CATSPERD: variants seen among roughly 807,000 people sequenced by gnomAD.
The protein encoded by CATSPERD is catsper channel auxiliary subunit delta.
A neutral mutation model predicts 98.1 loss-of-function variants in CATSPERD; 86 were observed. The observed-to-expected ratio is 0.88, with a 90% CI of 0.74 to 1.05. The LOEUF (loss-of-function observed/expected upper bound fraction) is 1.05, where lower values mean the gene tolerates loss of function less well. Ranked by LOEUF, CATSPERD falls within the 50% of genes least tolerant of loss-of-function variation. The probability of loss-of-function intolerance (pLI) is 0.00; values close to 1 mark genes in which losing one functional copy is unlikely to be tolerated. For synonymous variants in CATSPERD, 394 were observed against 390.2 expected, an observed-to-expected ratio of 1.01 and a Z score of -0.12; for missense variants, 995 against 1,005.7, an observed-to-expected ratio of 0.99 and a Z score of 0.14.
chr19:5,722,946 T>C lies in CATSPERD; in HGVS notation c.72-1862T>C, dbSNP rs566894889. ...GCTCACGCCTGTAATCCCAGCACTT[T>C]GGGAGGTGGAGGCGGGCGGATCACG... On this transcript the variant is annotated intron_variant, in intron 1 of 21. Coordinates refer to ENST00000381624, the MANE Select transcript of CATSPERD (RefSeq NM_152784.4). 4.6e-4 allele frequency among the ~76,000 whole-genome samples: 70 copies of C among 151,960 alleles called. 1 individual carries two copies. In the South Asian group the frequency reaches 0.014, roughly 31 times the overall value.
In CATSPERD at chr19:5,723,458, ATTTT is replaced by A. The variant is rs773822808; in HGVS notation, c.72-1329_72-1326del. ...AGGCGCCCGCCACCCTGCCCAGCTAATTTTTTTTTTTTTTTTTTTTTTTTGAGAC... is the reference window on the plus strand; with the variant it reads ...AGGCGCCCGCCACCCTGCCCAGCTAATTTTTTTTTTTTTTTTTTTTGAGAC... On this transcript the variant is annotated intron_variant, in intron 1 of 21. Coordinates refer to ENST00000381624, the MANE Select transcript of CATSPERD (RefSeq NM_152784.4). Among the ~76,000 whole-genome samples, 481 of 90,900 alleles carry A rather than the reference ATTTT, an allele frequency of 5.3e-3. 2 individuals carry two copies. Among genetic ancestry groups the A allele is most frequent in the African/African-American group, 0.02 (451 of 23,028 alleles). The allele number at this position is 90,900 out of a possible 152,430, so 59.6% of individuals were successfully genotyped here. A position where few individuals can be genotyped will look rare whatever the true frequency, so the allele number is the denominator to read the frequency against.
At chr19:5,777,779 G>T (rs1177366972) in intron 21 of CATSPERD, among the ~76,000 whole-genome samples, 2 of 152,098 alleles carry the variant, frequency 1.3e-5, no homozygotes, top group Non-Finnish European at 2.9e-5. Context: ...GGAGGCTGAG[G>T]CAGGAGAATC....
chr19:5,721,704 G>T (rs1475568283), intron 1 of CATSPERD, among the ~76,000 whole-genome samples: 1 of 150,700 alleles, frequency 6.6e-6, no homozygotes, highest in African/African-American at 2.4e-5. Context: ...GGTCTCACTG[G>T]CTGGGTGCAG....
chr19:5,733,781 G>T lies in CATSPERD; in HGVS notation c.277-75G>T, dbSNP rs976187917. 21 of 1,036,854 alleles carry T rather than the reference G, an allele frequency of 2.0e-5. No homozygotes were observed. The African/African-American group carries it at 3.0e-4, about 15-fold the overall frequency. The allele number at this position is 1,036,854 out of a possible 1,614,324, so 64.2% of individuals were successfully genotyped here. ...ATACATTTTTTTTTTTTCAATGCAT[G>T]TCTAGAAGTCTGCGTTTCTGAATCA... On this transcript the variant is annotated intron_variant, in intron 4 of 21. Coordinates refer to ENST00000381624, the MANE Select transcript of CATSPERD (RefSeq NM_152784.4).
At chr19:5,772,209 G>A (rs757908345) in intron 19 of CATSPERD, 32 of 323,558 alleles carry the variant, frequency 9.9e-5, no homozygotes, top group East Asian at 4.5e-4. Flanking sequence ...CACAATGCCC[G>A]GTTAATTTTT....
intron 16 of CATSPERD, among the ~76,000 whole-genome samples, chr19:5,764,596 C>T (rs1465596549): frequency 1.3e-5 from 2 of 151,712 alleles, no homozygotes; most frequent in South Asian, 2.1e-4. Flanking sequence ...GGATTACAGG[C>T]GTGAGCCACT....
intron 20 of CATSPERD, among the ~76,000 whole-genome samples, chr19:5,773,900 G>T (rs964218635): frequency 2.6e-5 from 4 of 151,194 alleles, no homozygotes; most frequent in Non-Finnish European, 5.9e-5. Flanking sequence ...ACAATGTTTT[G>T]TATCAGGAAT....
At chr19:5,768,634 C>T (rs2056588825) in intron 18 of CATSPERD, among the ~76,000 whole-genome samples, 1 of 151,336 alleles carries the variant, frequency 6.6e-6, no homozygotes, top group South Asian at 2.1e-4. Flanking sequence ...CCGCGCCCGG[C>T]CTATTATTAT....
chr19:5,776,816 G>A (rs2056748713), intron 21 of CATSPERD, among the ~76,000 whole-genome samples: 1 of 151,464 alleles, frequency 6.6e-6, no homozygotes. Context: ...AGAGGTTGCA[G>A]TGAGCTGAGA....
At chr19:5,776,444 C>A in intron 21 of CATSPERD, 129 bp downstream of exon 21, 1 of 1,004,152 alleles carries the variant, frequency 1.0e-6, no homozygotes, top group Non-Finnish European at 1.5e-6. Flanking sequence ...GTCCCCAGGA[C>A]AAGTGATGTT....
chr19:5,776,405 A>G (rs2056743677), intron 21 of CATSPERD, 90 bp downstream of exon 21: 1 of 1,453,284 alleles, frequency 6.9e-7, no homozygotes, highest in Non-Finnish European at 9.4e-7. Flanking sequence ...GGTCCTGGCT[A>G]AACCTGAATT....
In CATSPERD at chr19:5,726,650, G is replaced by A. The variant is rs549586860; in HGVS notation, c.127-618G>A. Among the ~76,000 whole-genome samples the A allele has an allele frequency of 2.6e-5, 4 of 152,080 alleles. No homozygotes were observed. The East Asian group carries it at 7.8e-4, about 30-fold the overall frequency. On this transcript the variant is annotated intron_variant, in intron 2 of 21. Transcript: ENST00000381624. ...TCCTGCCTCAGCCTCCCAAAGTGTT[G>A]GGATTACAGACGTGAGCCACCGCAC...
At chr19:5,729,975 G>A in intron 4 of CATSPERD, 31 bp downstream of exon 4, 1 of 1,203,308 alleles carries the variant, frequency 8.3e-7, no homozygotes, top group East Asian at 2.4e-5. Context: ...TCTGAAGGAT[G>A]CTAGTATAAG....
Position 5,751,684 on chromosome 19 carries a change from T to C in CATSPERD, c.1025T>C (p.Leu342Pro). ...DQYIWSEDVA[L>P]MFRSPGTLEI... Reference sequence around the variant, plus strand: ...TACATCTGGTCAGAAGACGTGGCCCTGATGTTCAGGAGCCCAGGGACTCTG... The same window carrying C: ...TACATCTGGTCAGAAGACGTGGCCCCGATGTTCAGGAGCCCAGGGACTCTG... The change falls in exon 12 of 22, where the codon CTG (leucine) becomes CCG (proline). Residue 342 changes from leucine (L) to proline (P), a missense_variant. Coordinates refer to ENST00000381624, the MANE Select transcript of CATSPERD (RefSeq NM_152784.4). 6.2e-7 allele frequency: 1 copy of C among 1,612,110 alleles called. No individual in the cohort carries two copies. The highest frequency in any genetic ancestry group is 8.5e-7 in the Non-Finnish European group (1 of 1,178,740).
Position 5,778,544 on chromosome 19 carries a change from C to T in CATSPERD, c.2265C>T (p.Ile755=), listed in dbSNP as rs562529395. ...TACGCACAGCACGCGGCCGCAGGAT[C>T]AAGAAGTGTGCGACACAGCTGTGTA... is the stretch of plus-strand genomic sequence containing the variant. ...KLLRTARGRR[I]KKCATQLCRR... Residue 755 remains isoleucine (I), a synonymous_variant, in exon 22 of 22, where the codon ATC becomes ATT. Coordinates refer to ENST00000381624, the MANE Select transcript of CATSPERD (RefSeq NM_152784.4). The T allele has an allele frequency of 6.2e-7, 1 of 1,613,946 alleles. No individual in the cohort carries two copies. The highest frequency in any genetic ancestry group is 1.7e-5 in the Admixed American group (1 of 59,996).
intron 6 of CATSPERD, among the ~76,000 whole-genome samples, chr19:5,738,070 C>A (rs994942713): frequency 2.6e-5 from 4 of 151,906 alleles, no homozygotes; most frequent in Admixed American, 2.0e-4. Context: ...CCACCCTCCA[C>A]CCCACACAGT....
In CATSPERD at chr19:5,754,226, G is replaced by A. The variant is rs150053328; in HGVS notation, c.1259G>A (p.Gly420Asp). 22 of 1,612,910 alleles carry A rather than the reference G, an allele frequency of 1.4e-5. No homozygotes were observed. The East Asian group carries it at 2.9e-4, about 21-fold the overall frequency. Reference protein sequence around the residue: ...ELTASLIPQPGTSLIPLVMVS... With the variant: ...ELTASLIPQPDTSLIPLVMVS... ...ACTGCTTCGTTGATACCCCAGCCAG[G>A]CACATCCCTGATTCCTCTGGTAAGT... The change falls in exon 13 of 22, where the codon GGC (glycine) becomes GAC (aspartate). Residue 420 changes from glycine to aspartate, a missense_variant. Transcript: ENST00000381624.
chr19:5,762,030 G>T (rs1410104803), intron 15 of CATSPERD, among the ~76,000 whole-genome samples: 8 of 95,402 alleles, frequency 8.4e-5, no homozygotes, highest in Non-Finnish European at 1.5e-4. Context: ...GAGCCACTGC[G>T]CCTGGCCTGC....
At chr19:5,771,386 C>T (rs1302072252) in intron 19 of CATSPERD, among the ~76,000 whole-genome samples, 1 of 152,050 alleles carries the variant, frequency 6.6e-6, no homozygotes, top group Non-Finnish European at 1.5e-5. Flanking sequence ...GTAGCTGGGA[C>T]CACAGGTGCC....
Sources: allele counts gnomAD v4.1 joint callset (sites outside exome capture counted in the v4.1 genomes callset), GRCh38; gene constraint gnomAD v4.1.1; transcripts MANE v1.5; gene names NCBI Gene and HGNC (gene_info 2026-07-23, HGNC 2026-07-21).